Variants in OPCML observed in about 807,000 individuals in gnomAD.
OPCML encodes opioid-binding protein/cell adhesion molecule.
OPCML carries 13 observed loss-of-function variants against 37.8 expected under a neutral mutation model. The ratio of observed to expected loss-of-function variants is 0.34; its 90% CI spans 0.22 to 0.55. OPCML has a LOEUF of 0.55. OPCML is among the 20% of genes least tolerant of loss of function. The pLI is 0.91. For synonymous variants in OPCML, 176 were observed against 168.8 expected, an observed-to-expected ratio of 1.04 and a Z score of -0.33; for missense variants, 341 against 435.6, an observed-to-expected ratio of 0.78 and a Z score of 1.93.
intron 2 of OPCML, among the ~76,000 whole-genome samples, chr11:132,804,735 C>T (rs895692448): frequency 9.2e-5 from 14 of 152,296 alleles, no homozygotes; most frequent in African/African-American, 3.4e-4. Context: ...CAAGCTGGAC[C>T]TTGGCTAGTT....
At chr11:132,794,786 T>C (rs1177459706) in intron 2 of OPCML, among the ~76,000 whole-genome samples, 2 of 152,084 alleles carry the variant, frequency 1.3e-5, no homozygotes, top group Non-Finnish European at 1.5e-5. Context: ...ATGCCATTGC[T>C]AGGGGAAAGG....
intron 1 of OPCML, among the ~76,000 whole-genome samples, chr11:133,377,504 C>T (rs927359810): frequency 6.6e-6 from 1 of 151,546 alleles, no homozygotes; most frequent in Non-Finnish European, 1.5e-5. Context: ...TCTGTGTGGA[C>T]CCAGAGGTGG....
chr11:132,510,155 G>T (rs1265526486), intron 4 of OPCML, among the ~76,000 whole-genome samples: 1 of 152,160 alleles, frequency 6.6e-6, no homozygotes, highest in Non-Finnish European at 1.5e-5. Context: ...TTTTGGACTT[G>T]CATGGTCCCT....
At chr11:133,465,559 T>C (rs1324069512) in intron 1 of OPCML, among the ~76,000 whole-genome samples, 1 of 152,240 alleles carries the variant, frequency 6.6e-6, no homozygotes, top group African/African-American at 2.4e-5. Flanking sequence ...ATACACCTCC[T>C]GCCTTTGTGG....
chr11:133,151,101 G>A (rs1293879005), intron 1 of OPCML, among the ~76,000 whole-genome samples: 2 of 151,450 alleles, frequency 1.3e-5, no homozygotes, highest in East Asian at 1.9e-4. Flanking sequence ...GGTGAAACCC[G>A]GTCTCTGCTA....
chr11:132,576,704 G>T (rs886870476), intron 3 of OPCML, among the ~76,000 whole-genome samples: 1 of 152,046 alleles, frequency 6.6e-6, no homozygotes, highest in African/African-American at 2.4e-5. Context: ...GTTGGTGTCT[G>T]CATATTAGAT....
chr11:132,756,599 G>A (rs1337505688), intron 2 of OPCML, among the ~76,000 whole-genome samples: 1 of 152,026 alleles, frequency 6.6e-6, no homozygotes, highest in African/African-American at 2.4e-5. Context: ...TATTGTGTTT[G>A]GTAGCATGAG....
intron 1 of OPCML, among the ~76,000 whole-genome samples, chr11:133,207,490 C>A (rs1333175082): frequency 1.3e-5 from 2 of 152,110 alleles, no homozygotes; most frequent in Non-Finnish European, 2.9e-5. Flanking sequence ...TACCGTGATT[C>A]TAATTTCAGA....
chr11:133,053,520 T>C (rs1038464662), intron 1 of OPCML, among the ~76,000 whole-genome samples: 20 of 152,238 alleles, frequency 1.3e-4, no homozygotes, highest in African/African-American at 4.3e-4. Flanking sequence ...CATTTTGCGA[T>C]TGAAATTTCT....
intron 1 of OPCML, among the ~76,000 whole-genome samples, chr11:133,483,346 T>TAGATAGATAATAGATATAG (rs1555165554): frequency 2.3e-5 from 2 of 86,508 alleles, no homozygotes; most frequent in African/African-American, 1.6e-4. Flanking sequence ...AGATAATAGA[T>TAGATAGATAATAGATATAG]ATAGATAGAT....
At chr11:133,312,672 C>T (rs1202068341) in intron 1 of OPCML, among the ~76,000 whole-genome samples, 2 of 152,140 alleles carry the variant, frequency 1.3e-5, no homozygotes, top group Admixed American at 6.6e-5. Context: ...AAGCCCCAAC[C>T]CAAGCTTTAC....
At chr11:133,217,274 C>T (rs967830755) in intron 1 of OPCML, among the ~76,000 whole-genome samples, 3 of 152,154 alleles carry the variant, frequency 2.0e-5, no homozygotes, top group East Asian at 3.9e-4. Context: ...AACAAAGCAC[C>T]CACTGGCACA....
intron 4 of OPCML, among the ~76,000 whole-genome samples, chr11:132,512,640 G>A (rs941949914): frequency 6.6e-6 from 1 of 151,028 alleles, no homozygotes; most frequent in Middle Eastern, 3.5e-3. Context: ...GTGTAGATAT[G>A]TGTGTAGGGT....
chr11:133,204,248 A>C (rs1938936575), intron 1 of OPCML, among the ~76,000 whole-genome samples: 1 of 152,190 alleles, frequency 6.6e-6, no homozygotes, highest in African/African-American at 2.4e-5. Context: ...GAAAACCAAT[A>C]AACTGGTCAT....
At chr11:133,264,239 A>G (rs983136036) in intron 1 of OPCML, among the ~76,000 whole-genome samples, 1 of 152,314 alleles carries the variant, frequency 6.6e-6, no homozygotes, top group African/African-American at 2.4e-5. Flanking sequence ...CAGGGGAAGC[A>G]CTGATGCTGC....
At chr11:132,940,280 CCT>C (rs1450961893) in intron 2 of OPCML, among the ~76,000 whole-genome samples, 2 of 152,160 alleles carry the variant, frequency 1.3e-5, no homozygotes, top group Non-Finnish European at 2.9e-5. Context: ...AGGTCTCTGG[CCT>C]CCTTATGGGA....
rs1276618030 is a variant in OPCML at position 132,416,650 on chromosome 11, G to A, written c.*3543C>T. 3 of 152,074 alleles carry A rather than the reference G, an allele frequency of 2.0e-5. No individual in the cohort carries two copies. The South Asian group carries it at 6.2e-4, about 32-fold the overall frequency. The allele number at this position is 152,074 out of a possible 1,614,324, so 9.4% of individuals were successfully genotyped here. On this transcript the variant is annotated 3_prime_UTR_variant, in exon 8 of 8. Coordinates refer to ENST00000524381, the MANE Select transcript of OPCML (RefSeq NM_001012393.5). Reference sequence around the variant, plus strand: ...CTGTAAATGTATCATCTAGTAAGAGGCATGGATGTAAGAAGAAAGAGACTG... The same window carrying A: ...CTGTAAATGTATCATCTAGTAAGAGACATGGATGTAAGAAGAAAGAGACTG...
chr11:132,493,996 G>A (rs1211034619), intron 4 of OPCML, among the ~76,000 whole-genome samples: 1 of 152,216 alleles, frequency 6.6e-6, no homozygotes, highest in African/African-American at 2.4e-5. Flanking sequence ...TGTCCCAGCT[G>A]TTGCCAGCTG....
At chr11:132,873,086 C>A (rs1942872097) in intron 2 of OPCML, among the ~76,000 whole-genome samples, 1 of 152,190 alleles carries the variant, frequency 6.6e-6, no homozygotes, top group Non-Finnish European at 1.5e-5. Context: ...CCTGTGGAAG[C>A]TGAGGCTACC....
Sources: allele counts gnomAD v4.1 joint callset (sites outside exome capture counted in the v4.1 genomes callset), GRCh38; gene constraint gnomAD v4.1.1; transcripts MANE v1.5; gene names NCBI Gene and HGNC (gene_info 2026-07-23, HGNC 2026-07-21).